PKM: variants seen among roughly 807,000 people sequenced by gnomAD.
PKM encodes pyruvate kinase M1/2, also known as pyruvate kinase PKM.
A neutral mutation model predicts 49.8 loss-of-function variants in PKM; 18 were observed. That is an observed-to-expected ratio of 0.36 (90% confidence interval 0.25 to 0.54). The LOEUF is 0.54. Ranked by LOEUF, PKM falls within the 20% of genes least tolerant of loss-of-function variation. The pLI is 0.89. For synonymous variants in PKM, 239 were observed against 261.8 expected (o/e 0.91, Z 0.84); for missense variants, 508 against 713.8 (o/e 0.71, Z 3.28).
intron 3 of PKM, among the ~76,000 whole-genome samples, chr15:72,210,977 G>A (rs1295777322): frequency 1.3e-5 from 2 of 152,076 alleles, no homozygotes; most frequent in Non-Finnish European, 2.9e-5. Context: ...CAACTACAAC[G>A]CAAACTTGAA....
At chr15:72,228,635 C>A (rs1567136684) in intron 1 of PKM, 1 of 1,286,484 alleles carries the variant, frequency 7.8e-7, no homozygotes. Flanking sequence ...ATCTTCCCCA[C>A]AGAGCCCCAC....
In PKM at chr15:72,200,833, C is replaced by T; in HGVS notation, c.1308-178G>A. 1.7e-6 allele frequency: 1 copy of T among 594,540 alleles called. No individual in the cohort carries two copies. The highest frequency in any genetic ancestry group is 3.0e-5 in the Admixed American group (1 of 33,532). The allele number at this position is 594,540 out of a possible 1,614,324, so 36.8% of individuals were successfully genotyped here. ...GCAGCCCCTCATCCTATATCCCCCA[C>T]AGCATGCTAGGTTACCATTTGCCCT... is the stretch of plus-strand genomic sequence containing the variant. On this transcript the variant is annotated intron_variant, in intron 9 of 10. Coordinates refer to ENST00000335181, the MANE Select transcript of PKM (RefSeq NM_002654.6). The surrounding 1 kb of genome is among the most constrained non-coding windows in gnomAD (Gnocchi z 4.6).
chr15:72,214,624 A>G (rs1360819076), intron 3 of PKM, among the ~76,000 whole-genome samples: 1 of 151,898 alleles, frequency 6.6e-6, no homozygotes, highest in African/African-American at 2.4e-5. Flanking sequence ...GGTGAAACCA[A>G]GTCTCTACTA....
rs543125745 is a variant in PKM at position 72,209,069 on chromosome 15, T to G, written c.566-178A>C. On this transcript the variant is annotated intron_variant, in intron 5 of 10. Transcript: ENST00000335181. ...AATCCTGGGCAAGCCATTTAACCTCTCTGTACCTCACTTTCCTCACCCATA... is the reference window on the plus strand; with the variant it reads ...AATCCTGGGCAAGCCATTTAACCTCGCTGTACCTCACTTTCCTCACCCATA... 1.3e-5 allele frequency: 9 copies of G among 676,344 alleles called. No homozygotes were observed. In the South Asian group the frequency reaches 1.5e-4, roughly 12 times the overall value. 41.9% of individuals were successfully genotyped at this position (676,344 alleles called of 1,614,324 possible). A position where few individuals can be genotyped will look rare whatever the true frequency, so the allele number is the denominator to read the frequency against.
intron 1 of PKM, among the ~76,000 whole-genome samples, chr15:72,230,415 G>C (rs888863453): frequency 6.6e-6 from 1 of 152,216 alleles, no homozygotes; most frequent in Non-Finnish European, 1.5e-5. Context: ...TGATGGAAAA[G>C]GGGGGTGGGA....
At chr15:72,214,266 T>A (rs1426142521) in intron 3 of PKM, among the ~76,000 whole-genome samples, 1 of 152,346 alleles carries the variant, frequency 6.6e-6, no homozygotes, top group East Asian at 1.9e-4. Flanking sequence ...TTTGTAACCA[T>A]GAGTGTTTCA....
chr15:72,203,009 C>T, intron 8 of PKM: 2 of 1,613,384 alleles, frequency 1.2e-6, no homozygotes, highest in Non-Finnish European at 1.7e-6. Context: ...GTTACCTGCC[C>T]TTAGGGCCCT....
intron 2 of PKM, 37 bp from the exon 3 acceptor site, chr15:72,217,537 A>T: frequency 1.6e-6 from 2 of 1,289,944 alleles, no homozygotes; most frequent in Non-Finnish European, 2.3e-6. Flanking sequence ...AGTATTAATT[A>T]TTCAAAGAAG....
chr15:72,207,320 G>C (rs768230985), intron 6 of PKM, 43 bp from the exon 7 acceptor site: 1 of 1,580,406 alleles, frequency 6.3e-7, no homozygotes, highest in East Asian at 2.2e-5. Context: ...ATAGAACAGA[G>C]GCCACAAGTA....
In PKM at chr15:72,219,065, G is replaced by A. The variant is rs1596782343; in HGVS notation, c.33C>T (p.Ala11=). MSKPHSEAGT[A]FIQTQQLHAA... ...CGTGCAGCTGCTGGGTCTGAATGAA[G>A]GCAGTCCCGGCTTCACTATGGGGCT... is the stretch of plus-strand genomic sequence containing the variant. Residue 11 remains alanine, a synonymous_variant, in exon 2 of 11, where the codon GCC becomes GCT. Transcript: ENST00000335181. 4 of 1,614,152 alleles carry A rather than the reference G, an allele frequency of 2.5e-6. No homozygotes were observed. Among genetic ancestry groups the A allele is most frequent in the Middle Eastern group, 3.3e-4 (2 of 6,060 alleles).
chr15:72,217,532 T>A, intron 2 of PKM, 32 bp from the exon 3 acceptor site: 2 of 1,316,938 alleles, frequency 1.5e-6, no homozygotes, highest in Non-Finnish European at 2.2e-6. Context: ...CCACAAGTAT[T>A]AATTATTCAA....
intron 1 of PKM, among the ~76,000 whole-genome samples, chr15:72,225,088 ATTTTTTT>A (rs59687887): frequency 1.4e-4 from 16 of 116,646 alleles, no homozygotes; most frequent in Non-Finnish European, 1.8e-4. Flanking sequence ...GGCCCGGCTA[ATTTTTTT>A]TTTTTTTTTT....
In PKM at chr15:72,218,969, C is replaced by A. The variant is rs564130294; in HGVS notation, c.129G>T (p.Arg43=). 1.2e-4 allele frequency: 188 copies of A among 1,614,112 alleles called. 6 individuals carry two copies. In the South Asian group the frequency reaches 2.0e-3, roughly 18 times the overall value. ...LDIDSPPITA[R]NTGIICTIGP... is the part of the protein sequence containing the mutation. ...CAATGGTACAGATGATGCCAGTGTT[C>A]CGGGCTGTGATGGGTGGTGAATCAA... is the stretch of plus-strand genomic sequence containing the variant. The change falls in exon 2 of 11, where the codon CGG becomes CGT. Residue 43 remains arginine (R), a synonymous_variant. Transcript: ENST00000335181.
intron 3 of PKM, among the ~76,000 whole-genome samples, chr15:72,214,286 GCATTT>G (rs2082324959): frequency 6.6e-6 from 1 of 152,120 alleles, no homozygotes; most frequent in African/African-American, 2.4e-5. Context: ...ATGCAAACAT[GCATTT>G]TTGGTCTTGG....
chr15:72,214,466 T>C (rs1394130258), intron 3 of PKM, among the ~76,000 whole-genome samples: 1 of 152,216 alleles, frequency 6.6e-6, no homozygotes, highest in African/African-American at 2.4e-5. Context: ...ATCAATGCTG[T>C]CCTGTGGAAG....
At chr15:72,217,581 T>A (rs990536275) in intron 2 of PKM, 81 bp from the exon 3 acceptor site, 3 of 975,142 alleles carry the variant, frequency 3.1e-6, no homozygotes, top group Non-Finnish European at 4.9e-6. Flanking sequence ...GTTTAAAGAA[T>A]TTTTTTCCCT....
Position 72,202,759 on chromosome 15 carries a change from C to A in PKM, c.1141-139G>T. On this transcript the variant is annotated intron_variant, in intron 8 of 10. Coordinates refer to ENST00000335181, the MANE Select transcript of PKM (RefSeq NM_002654.6). This position sits in a 1 kb window ranked among gnomAD's most constrained non-coding sequence, Gnocchi z 4.5. Reference sequence around the variant, plus strand: ...TCCTGGGAACAAAGGCCAAGAGGAGCCCAATCACTGGAGATTCTGAGCTGA... The same window carrying A: ...TCCTGGGAACAAAGGCCAAGAGGAGACCAATCACTGGAGATTCTGAGCTGA... The A allele has an allele frequency of 1.3e-6, 1 of 783,384 alleles. No homozygotes were observed. Among genetic ancestry groups the A allele is most frequent in the Non-Finnish European group, 2.1e-6 (1 of 472,872 alleles). 48.5% of individuals were successfully genotyped at this position (783,384 alleles called of 1,614,324 possible).
intron 3 of PKM, 86 bp downstream of exon 3, chr15:72,217,323 A>G (rs1371672109): frequency 2.5e-6 from 2 of 814,946 alleles, no homozygotes; most frequent in Non-Finnish European, 2.2e-6. Context: ...ATCCTTGTCT[A>G]GTCCACTGTG....
intron 1 of PKM, among the ~76,000 whole-genome samples, chr15:72,221,870 G>T (rs73436400): frequency 7.3e-6 from 1 of 136,948 alleles, no homozygotes; most frequent in Non-Finnish European, 1.5e-5. Context: ...ATGTACTGCA[G>T]AACAGTTTCA....
Sources: allele counts gnomAD v4.1 joint callset (sites outside exome capture counted in the v4.1 genomes callset), GRCh38; gene constraint gnomAD v4.1.1; non-coding constraint Gnocchi (gnomAD v3.1); transcripts MANE v1.5; gene names NCBI Gene and HGNC (gene_info 2026-07-23, HGNC 2026-07-21).